DDX60L: variants seen among roughly 807,000 people sequenced by gnomAD.
The protein encoded by DDX60L is DExD/H-box 60 like.
DDX60L carries 191 observed loss-of-function variants against 211.6 expected under a neutral mutation model. The ratio of observed to expected loss-of-function variants is 0.90; its 90% CI spans 0.80 to 1.02. The LOEUF (loss-of-function observed/expected upper bound fraction) is 1.02, where lower values mean the gene tolerates loss of function less well. Among genes scored for constraint, DDX60L ranks in the 50% least tolerant of loss-of-function variants. The pLI, the probability that DDX60L is intolerant of heterozygous loss-of-function variation, is 0.00. For synonymous variants in DDX60L, 706 were observed against 694.1 expected, an observed-to-expected ratio of 1.02 and a Z score of -0.27; for missense variants, 2,007 against 1,984.1, an observed-to-expected ratio of 1.01 and a Z score of -0.22.
chr4:168,457,433 C>A (rs1175823431), intron 6 of DDX60L, among the ~76,000 whole-genome samples: 1 of 140,938 alleles, frequency 7.1e-6, no homozygotes, highest in Non-Finnish European at 1.5e-5. Flanking sequence ...CCTTTTACCG[C>A]TTGAGCATCA....
chr4:168,429,996 G>C (rs140456843), intron 13 of DDX60L, among the ~76,000 whole-genome samples: 6 of 152,100 alleles, frequency 3.9e-5, no homozygotes, highest in African/African-American at 1.4e-4. Context: ...TCGGGAGTTC[G>C]AGACCAGCCT....
At chr4:168,459,363 A>G (rs1756997422) in intron 5 of DDX60L, among the ~76,000 whole-genome samples, 2 of 152,086 alleles carry the variant, frequency 1.3e-5, no homozygotes, top group South Asian at 2.1e-4. Flanking sequence ...AGAGAGACCA[A>G]TCAAGACCCT....
Position 168,433,090 on chromosome 4 carries a change from A to C in DDX60L, c.1320T>G (p.Ser440Arg). ...CAGATGTCATTGGAATAAAGCCCAC[A>C]CTAGGCATCTTTTCCAAGGAGATTT... is the stretch of plus-strand genomic sequence containing the variant. ...IQEISLEKMPSVGFIPMTSAV... is the reference protein window; with the variant it reads ...IQEISLEKMPRVGFIPMTSAV... Residue 440 changes from serine to arginine, a missense_variant, in exon 11 of 38, where the codon AGT becomes AGG. Transcript: ENST00000682922. 2.5e-6 allele frequency: 4 copies of C among 1,607,186 alleles called. No homozygotes were observed. Among genetic ancestry groups the C allele is most frequent in the Non-Finnish European group, 3.4e-6 (4 of 1,176,114 alleles).
Position 168,404,121 on chromosome 4 carries a change from A to G in DDX60L, c.3214-15T>C. On this transcript the variant is annotated splice_polypyrimidine_tract_variant and intron_variant, in intron 24 of 37. Coordinates refer to ENST00000682922, the MANE Select transcript of DDX60L (RefSeq NM_001012967.3). ...ACTCTTTTGACCTACAACAGTAAGT[A>G]AAAATTATTTAAAAAAAAAAAAAGA... 1 of 1,287,198 alleles carries G rather than the reference A, an allele frequency of 7.8e-7. No homozygotes were observed. Among genetic ancestry groups the G allele is most frequent in the Non-Finnish European group, 1.0e-6 (1 of 996,452 alleles). 79.7% of individuals were successfully genotyped at this position (1,287,198 alleles called of 1,614,324 possible).
At chr4:168,409,932 T>C (rs1748394362) in intron 22 of DDX60L, among the ~76,000 whole-genome samples, 1 of 152,138 alleles carries the variant, frequency 6.6e-6, no homozygotes, top group African/African-American at 2.4e-5. Flanking sequence ...ATAAAGATGT[T>C]GTGAAGGTTA....
intron 35 of DDX60L, among the ~76,000 whole-genome samples, chr4:168,372,488 A>G (rs1187820252): frequency 6.6e-6 from 1 of 152,104 alleles, no homozygotes; most frequent in Non-Finnish European, 1.5e-5. Flanking sequence ...CACTCTGGGA[A>G]GCTGAGGTGG....
intron 22 of DDX60L, among the ~76,000 whole-genome samples, chr4:168,413,095 T>C (rs1748968324): frequency 6.6e-6 from 1 of 152,184 alleles, no homozygotes; most frequent in African/African-American, 2.4e-5. Flanking sequence ...CTGTGAAGAC[T>C]ACAATAAATG....
rs768527496 is a variant in DDX60L at position 168,415,407 on chromosome 4, C to G, written c.2979+1G>C. ...CAGGACAAATACACTTTTATACTTA[C>G]AATATCTGTCGTTAGCGCAGCACAG... On this transcript the variant is annotated splice_donor_variant, in intron 22 of 37. Coordinates refer to ENST00000682922, the MANE Select transcript of DDX60L (RefSeq NM_001012967.3). LOFTEE classifies it high-confidence loss of function. 1 of 1,589,764 alleles carries G rather than the reference C, an allele frequency of 6.3e-7. No individual in the cohort carries two copies. The highest frequency in any genetic ancestry group is 1.7e-5 in the Admixed American group (1 of 57,532).
At chr4:168,462,593 A>G (rs1484833209) in intron 4 of DDX60L, among the ~76,000 whole-genome samples, 1 of 152,170 alleles carries the variant, frequency 6.6e-6, no homozygotes, top group Non-Finnish European at 1.5e-5. Flanking sequence ...TGGGTGGATC[A>G]TTTGAGGTCA....
chr4:168,364,936 T>C (rs1045338295), intron 36 of DDX60L, among the ~76,000 whole-genome samples: 1 of 151,390 alleles, frequency 6.6e-6, no homozygotes, highest in African/African-American at 2.4e-5. Context: ...ACCCAACAGA[T>C]CAATAAGCAA....
At chr4:168,373,901 A>G (rs1199090591) in intron 34 of DDX60L, 93 bp from the exon 35 acceptor site, 1 of 1,260,824 alleles carries the variant, frequency 7.9e-7, no homozygotes, top group African/African-American at 1.5e-5. Flanking sequence ...ACAGTAGGTG[A>G]CATTCATCTC....
chr4:168,434,543 C>T (rs1752784492), intron 10 of DDX60L, among the ~76,000 whole-genome samples: 1 of 152,186 alleles, frequency 6.6e-6, no homozygotes, highest in Non-Finnish European at 1.5e-5. Flanking sequence ...ATTTGGATCC[C>T]TAAATGCCAC....
chr4:168,457,339 A>T (rs964929524), intron 6 of DDX60L, among the ~76,000 whole-genome samples: 2 of 151,884 alleles, frequency 1.3e-5, no homozygotes, highest in Admixed American at 6.6e-5. Context: ...ACAAAAATAT[A>T]TGTTAAAACG....
Position 168,427,130 on chromosome 4 carries a change from C to T in DDX60L, c.1870G>A (p.Val624Ile), listed in dbSNP as rs771367352. Reference protein sequence around the residue: ...SCASNSVKFGVEMLGLIACFK... With the variant: ...SCASNSVKFGIEMLGLIACFK... ...CAGGCAATTAATCCTAACATTTCAACTCCAAATTTCACTGAATTACTTGCA... is the reference window on the plus strand; with the variant it reads ...CAGGCAATTAATCCTAACATTTCAATTCCAAATTTCACTGAATTACTTGCA... The change falls in exon 14 of 38, where the codon GTT becomes ATT. Residue 624 changes from valine (V) to isoleucine (I), a missense_variant. Transcript: ENST00000682922. 3 of 1,608,398 alleles carry T rather than the reference C, an allele frequency of 1.9e-6. No individual in the cohort carries two copies. The highest frequency in any genetic ancestry group is 1.7e-6 in the Non-Finnish European group (2 of 1,176,648).
chr4:168,459,744 A>C (rs1757047686), intron 5 of DDX60L, among the ~76,000 whole-genome samples: 1 of 64,306 alleles, frequency 1.6e-5, no homozygotes, highest in African/African-American at 4.9e-5. Context: ...CAATATATCA[A>C]GACACCAAAG....
intron 10 of DDX60L, among the ~76,000 whole-genome samples, chr4:168,435,852 G>C (rs1372025806): frequency 6.6e-6 from 1 of 152,000 alleles, no homozygotes; most frequent in African/African-American, 2.4e-5. Flanking sequence ...CATACCAATA[G>C]GACATTTGTA....
chr4:168,416,684 G>T lies in DDX60L; in HGVS notation c.2724C>A (p.Thr908=). 6.3e-7 allele frequency: 1 copy of T among 1,583,444 alleles called. No homozygotes were observed. The highest frequency in any genetic ancestry group is 8.6e-7 in the Non-Finnish European group (1 of 1,163,514). The part of the protein sequence containing the change: ...SATINNPNLL[T]KWLQSVKQYW... ...CCACTCTTTTTACCTATACCTACTT[G>T]GTGAGAAGATTTGGGTTATTTATGG... is the stretch of plus-strand genomic sequence containing the variant. The change falls in exon 20 of 38, where the codon ACC becomes ACA. Residue 908 remains threonine (T), a splice_region_variant and synonymous_variant. Coordinates refer to ENST00000682922, the MANE Select transcript of DDX60L (RefSeq NM_001012967.3).
chr4:168,403,020 G>A (rs561709525), intron 25 of DDX60L, among the ~76,000 whole-genome samples: 18 of 152,264 alleles, frequency 1.2e-4, no homozygotes, highest in African/African-American at 4.1e-4. Flanking sequence ...CCATTCCTCA[G>A]TGATATATAG....
At chr4:168,366,913 T>C (rs1740097051) in intron 36 of DDX60L, among the ~76,000 whole-genome samples, 1 of 151,952 alleles carries the variant, frequency 6.6e-6, no homozygotes, top group African/African-American at 2.4e-5. Flanking sequence ...GGAATGTGTG[T>C]TTAATATGTT....
Sources: gnomAD v4.1 joint callset for allele counts (sites outside exome capture counted in the v4.1 genomes callset) on GRCh38, gnomAD v4.1.1 for gene constraint, MANE v1.5 for transcripts, NCBI Gene and HGNC (gene_info 2026-07-23, HGNC 2026-07-21) for gene names.